Variants in ZFHX3 observed in about 807,000 individuals in gnomAD.
The protein encoded by ZFHX3 is zinc finger homeobox protein 3.
Under a neutral mutation model 279.1 loss-of-function variants are expected in ZFHX3, and 42 were observed. The ratio of observed to expected loss-of-function variants is 0.15; its 90% CI spans 0.12 to 0.19. The LOEUF (loss-of-function observed/expected upper bound fraction) is 0.19. Among genes scored for constraint, ZFHX3 ranks in the 10% least tolerant of loss-of-function variants. The pLI is 1.00. For synonymous variants in ZFHX3, 2,293 were observed against 1,957.8 expected (o/e 1.17, Z -4.52); for missense variants, 4,981 against 4,754.0 (o/e 1.05, Z -1.40).
intron 5 of ZFHX3, among the ~76,000 whole-genome samples, chr16:73,243,626 T>C (rs2013190549): frequency 6.6e-6 from 1 of 152,216 alleles, no homozygotes; most frequent in South Asian, 2.1e-4. Context: ...GACATTTCCA[T>C]ATGACGGTAA....
intron 1 of ZFHX3, among the ~76,000 whole-genome samples, chr16:73,864,167 A>G (rs1043140251): frequency 2.6e-5 from 4 of 152,170 alleles, no homozygotes; most frequent in African/African-American, 9.7e-5. Context: ...GACTTCATGA[A>G]TTTACACATA....
At chr16:73,830,412 G>A (rs899930959) in intron 1 of ZFHX3, among the ~76,000 whole-genome samples, 9 of 152,014 alleles carry the variant, frequency 5.9e-5, no homozygotes, top group African/African-American at 1.9e-4. Flanking sequence ...TTCCTATTCG[G>A]CCATCTTGGC....
At chr16:73,591,798 G>A in intron 2 of ZFHX3, among the ~76,000 whole-genome samples, 1 of 136,844 alleles carries the variant, frequency 7.3e-6, no homozygotes, top group Non-Finnish European at 1.6e-5. Flanking sequence ...TGTAATGGAT[G>A]TGGATCTTGA....
chr16:72,902,506 C>T lies in ZFHX3; in HGVS notation c.3217-12544G>A, dbSNP rs189825580. ...CATTAGTTATGCATGCTTCAGCAAG[C>T]AGCAAGGCACCCGTCCCTGGGGACA... is the stretch of plus-strand genomic sequence containing the variant. On this transcript the variant is annotated intron_variant, in intron 3 of 9. Transcript: ENST00000268489. Among the ~76,000 whole-genome samples the T allele has an allele frequency of 9.8e-5, 15 of 152,350 alleles. No homozygotes were observed. The East Asian group carries it at 2.3e-3, about 24-fold the overall frequency.
chr16:73,785,198 A>G (rs1367026528), intron 1 of ZFHX3, among the ~76,000 whole-genome samples: 1 of 152,194 alleles, frequency 6.6e-6, no homozygotes, highest in Non-Finnish European at 1.5e-5. Context: ...GTATTAATAA[A>G]CATTATTCAC....
chr16:73,074,636 G>C (rs936118553), intron 8 of ZFHX3, among the ~76,000 whole-genome samples: 1 of 146,432 alleles, frequency 6.8e-6, no homozygotes, highest in South Asian at 2.3e-4. Flanking sequence ...CTAAACTGCA[G>C]ATGCCGATTC....
chr16:73,661,505 G>A (rs2052784194), intron 2 of ZFHX3, among the ~76,000 whole-genome samples: 1 of 152,174 alleles, frequency 6.6e-6, no homozygotes, highest in Admixed American at 6.5e-5. Context: ...CAGATCAGTT[G>A]AGGTTGGAAG....
At chr16:73,388,362 T>C (rs186911414) in intron 3 of ZFHX3, among the ~76,000 whole-genome samples, 35 of 152,298 alleles carry the variant, frequency 2.3e-4, no homozygotes, top group African/African-American at 8.2e-4. Flanking sequence ...AGGGTAATGA[T>C]CTGGGAAAAT....
chr16:73,114,846 T>C (rs1455853412), intron 7 of ZFHX3, among the ~76,000 whole-genome samples: 1 of 152,118 alleles, frequency 6.6e-6, no homozygotes, highest in Non-Finnish European at 1.5e-5. Context: ...TTTAAAGAGA[T>C]GGGGTCTTGC....
intron 1 of ZFHX3, among the ~76,000 whole-genome samples, chr16:73,884,003 T>C (rs1209605883): frequency 6.6e-6 from 1 of 152,184 alleles, no homozygotes; most frequent in Admixed American, 6.5e-5. Context: ...TGAACAAGTG[T>C]TAAACTGTAC....
chr16:72,826,986 G>C (rs112786988), intron 5 of ZFHX3, among the ~76,000 whole-genome samples: 1,573 of 152,230 alleles, frequency 0.01, 25 homozygotes, highest in African/African-American at 0.032. Context: ...CTCAACAAAG[G>C]CTGCCCTAAA....
At chr16:72,907,416 T>C (rs536471731) in intron 3 of ZFHX3, among the ~76,000 whole-genome samples, 1 of 152,172 alleles carries the variant, frequency 6.6e-6, no homozygotes, top group African/African-American at 2.4e-5. Flanking sequence ...CTAAAAATTA[T>C]CCTCATCATT....
At chr16:73,752,765 A>T (rs2053772732) in intron 1 of ZFHX3, among the ~76,000 whole-genome samples, 1 of 152,160 alleles carries the variant, frequency 6.6e-6, no homozygotes, top group African/African-American at 2.4e-5. Flanking sequence ...GGACAAGGGG[A>T]AATGAATACC....
chr16:73,498,428 AC>A (rs1168597460), intron 2 of ZFHX3, among the ~76,000 whole-genome samples: 1 of 152,210 alleles, frequency 6.6e-6, no homozygotes, highest in African/African-American at 2.4e-5. Flanking sequence ...TACACTCAAG[AC>A]CTGCACTGTT....
At chr16:72,829,641 C>G in intron 5 of ZFHX3, 138 bp downstream of exon 5, 1 of 837,422 alleles carries the variant, frequency 1.2e-6, no homozygotes, top group Non-Finnish European at 1.9e-6. Flanking sequence ...ATCTCCCTCC[C>G]ACTCATCCTT....
chr16:73,609,422 G>C (rs1224546555), intron 2 of ZFHX3: 1 of 152,128 alleles, frequency 6.6e-6, no homozygotes, highest in South Asian at 2.1e-4. Flanking sequence ...CTTCACTACT[G>C]CCCCTAAGAA....
At chr16:73,535,879 T>C (rs1211616130) in intron 2 of ZFHX3, among the ~76,000 whole-genome samples, 1 of 151,898 alleles carries the variant, frequency 6.6e-6, no homozygotes, top group African/African-American at 2.4e-5. Context: ...CTCCCCACTA[T>C]GCCCGGCTAA....
chr16:72,955,128 T>C (rs1435451666), intron 2 of ZFHX3, among the ~76,000 whole-genome samples: 3 of 152,196 alleles, frequency 2.0e-5, no homozygotes, highest in African/African-American at 7.2e-5. Context: ...CTCGAGCTTC[T>C]GGCATAAAGG....
chr16:73,220,478 C>G (rs1451318998), intron 5 of ZFHX3, among the ~76,000 whole-genome samples: 1 of 151,986 alleles, frequency 6.6e-6, no homozygotes, highest in Non-Finnish European at 1.5e-5. Context: ...AATACTATGT[C>G]AAAGGATGTT....
Sources: gnomAD v4.1 joint callset for allele counts (sites outside exome capture counted in the v4.1 genomes callset) on GRCh38, gnomAD v4.1.1 for gene constraint, MANE v1.5 for transcripts, NCBI Gene and HGNC (gene_info 2026-07-23, HGNC 2026-07-21) for gene names.